Variants in KIF13B observed in about 807,000 individuals in gnomAD.
The protein encoded by KIF13B is kinesin family member 13B.
In KIF13B, 127 loss-of-function variants were observed where a neutral mutation model predicts 222.0. That is an observed-to-expected ratio of 0.57 (90% confidence interval 0.50 to 0.66). The LOEUF (loss-of-function observed/expected upper bound fraction) is 0.66, where lower values mean the gene tolerates loss of function less well. KIF13B is among the 30% of genes least tolerant of loss of function. The pLI is 0.00. For missense variants in KIF13B, 2,173 were observed against 2,379.0 expected (o/e 0.91, Z 1.80); for synonymous variants, 976 against 919.0 (o/e 1.06, Z -1.12).
chr8:29,093,203 G>A (rs1286916821), intron 36 of KIF13B, among the ~76,000 whole-genome samples: 2 of 152,124 alleles, frequency 1.3e-5, no homozygotes, highest in Non-Finnish European at 1.5e-5. Context: ...AATAAAATGG[G>A]ATTGGTTTTT....
chr8:29,107,673 G>T (rs998505144), intron 35 of KIF13B, among the ~76,000 whole-genome samples: 5 of 150,568 alleles, frequency 3.3e-5, no homozygotes, highest in Admixed American at 2.0e-4. Flanking sequence ...CCATTCTCCT[G>T]CCTTAGCCTC....
At chr8:29,212,370 C>T (rs919525051) in intron 2 of KIF13B, among the ~76,000 whole-genome samples, 3 of 152,188 alleles carry the variant, frequency 2.0e-5, no homozygotes, top group Non-Finnish European at 2.9e-5. Flanking sequence ...AGTGCAGCAT[C>T]GTCTGTCGTT....
chr8:29,125,839 T>G (rs1027830874), intron 26 of KIF13B, among the ~76,000 whole-genome samples: 4 of 151,692 alleles, frequency 2.6e-5, no homozygotes, highest in Non-Finnish European at 4.4e-5. Flanking sequence ...TCGGGCGCGG[T>G]GGCTCATGCC....
At chr8:29,177,824 A>C (rs1385857379) in intron 8 of KIF13B, among the ~76,000 whole-genome samples, 1 of 152,210 alleles carries the variant, frequency 6.6e-6, no homozygotes, top group African/African-American at 2.4e-5. Flanking sequence ...GTGGGAGATC[A>C]CTTGAGCCCA....
rs112826611 is a variant in KIF13B at position 29,132,254 on chromosome 8, C to CA, written c.2942+53dup. 5,725 of 1,161,836 alleles carry CA rather than the reference C, an allele frequency of 4.9e-3. 9 individuals are homozygous for CA. The highest frequency in any genetic ancestry group is 0.027 in the East Asian group (841 of 31,692). 72.0% of individuals were successfully genotyped at this position (1,161,836 alleles called of 1,614,324 possible). On this transcript the variant is annotated intron_variant, in intron 23 of 39. Transcript: ENST00000524189. ...GAGTGAATGAGACTGTCTCAAAAAACAAAAAAAAAATTACATATATATAAA... is the reference window on the plus strand; with the variant it reads ...GAGTGAATGAGACTGTCTCAAAAAACAAAAAAAAAAATTACATATATATAAA...
At chr8:29,125,748 A>G (rs936011297) in intron 26 of KIF13B, among the ~76,000 whole-genome samples, 8 of 42,466 alleles carry the variant, frequency 1.9e-4, no homozygotes, top group African/African-American at 4.1e-4. Context: ...AAAACAAAGG[A>G]AAAAAAAAAA....
At chr8:29,138,777 G>A (rs555559909) in intron 21 of KIF13B, 1 of 152,366 alleles carries the variant, frequency 6.6e-6, no homozygotes, top group South Asian at 2.1e-4. Context: ...AATTGCAGGT[G>A]TGGTAAGAGA....
rs111595708 is a variant in KIF13B at position 29,086,996 on chromosome 8, C to A, written c.4458+5749G>T. On this transcript the variant is annotated intron_variant, in intron 37 of 39. Coordinates refer to ENST00000524189, the MANE Select transcript of KIF13B (RefSeq NM_015254.4). ...TTCTTTAAGGTGCTGCTAAGTCCAGCACTGGATGCCTCACGCAGAGCCGTA... is the reference window on the plus strand; with the variant it reads ...TTCTTTAAGGTGCTGCTAAGTCCAGAACTGGATGCCTCACGCAGAGCCGTA... Among the ~76,000 whole-genome samples, 126 of 152,370 alleles carry A rather than the reference C, an allele frequency of 8.3e-4. 1 individual carries two copies. Among genetic ancestry groups the A allele is most frequent in the African/African-American group, 2.8e-3 (118 of 41,584 alleles).
At chr8:29,251,368 T>C (rs897456534) in intron 1 of KIF13B, among the ~76,000 whole-genome samples, 2 of 152,214 alleles carry the variant, frequency 1.3e-5, no homozygotes, top group African/African-American at 4.8e-5. Flanking sequence ...GCAGCTAAAA[T>C]GCAGAGGCAA....
chr8:29,250,172 A>G (rs528117561), intron 1 of KIF13B: 78 of 580,232 alleles, frequency 1.3e-4, no homozygotes, highest in South Asian at 1.2e-3. Context: ...GTTTCTTGCA[A>G]GAACATTTCG....
chr8:29,199,087 T>TTTTTTTTTTTTTTTTTATTATACTC (rs1563781453), intron 2 of KIF13B, among the ~76,000 whole-genome samples: 1 of 151,708 alleles, frequency 6.6e-6, no homozygotes, highest in African/African-American at 2.4e-5. Context: ...ATAAAATTTT[T>TTTTTTTTTTTTTTTTTATTATACTC]TAAAAAATAG....
intron 13 of KIF13B, among the ~76,000 whole-genome samples, chr8:29,159,078 A>C (rs1229329896): frequency 1.3e-5 from 2 of 152,206 alleles, no homozygotes; most frequent in Admixed American, 1.3e-4. Flanking sequence ...GGTCACATTC[A>C]TATGAATATC....
Position 29,094,254 on chromosome 8 carries a change from T to C in KIF13B, c.4325-1376A>G, listed in dbSNP as rs548763095. Among the ~76,000 whole-genome samples, 4 of 152,224 alleles carry C rather than the reference T, an allele frequency of 2.6e-5. No homozygotes were observed. In the East Asian group the frequency reaches 5.8e-4, roughly 22 times the overall value. ...TCACAGGCAATACAGGGGACAGAAT[T>C]GCGTTTCAACAGTCTCACGGGAACA... On this transcript the variant is annotated intron_variant, in intron 36 of 39. Coordinates refer to ENST00000524189, the MANE Select transcript of KIF13B (RefSeq NM_015254.4).
chr8:29,077,204 G>A (rs750841046), intron 37 of KIF13B, among the ~76,000 whole-genome samples: 4 of 152,108 alleles, frequency 2.6e-5, no homozygotes, highest in Non-Finnish European at 5.9e-5. Flanking sequence ...AAGACCTTCA[G>A]CCTCCACCTC....
At chr8:29,222,515 C>CTTTTTTTTTTTTGTTTTT (rs1814801472) in intron 2 of KIF13B, among the ~76,000 whole-genome samples, 1 of 60,568 alleles carries the variant, frequency 1.7e-5, no homozygotes, top group African/African-American at 7.5e-5. Flanking sequence ...CCACACCTGA[C>CTTTTTTTTTTTTGTTTTT]TTTTTTTTTT....
At chr8:29,182,426 C>G (rs561508814) in intron 6 of KIF13B, among the ~76,000 whole-genome samples, 3 of 152,194 alleles carry the variant, frequency 2.0e-5, no homozygotes, top group African/African-American at 7.2e-5. Flanking sequence ...TTTCAAAATA[C>G]AAAACTGGGC....
At chr8:29,218,739 G>A (rs913037127) in intron 2 of KIF13B, among the ~76,000 whole-genome samples, 7 of 152,164 alleles carry the variant, frequency 4.6e-5, no homozygotes, top group Non-Finnish European at 8.8e-5. Flanking sequence ...AAACAAAAAC[G>A]TGGTATACTC....
intron 19 of KIF13B, among the ~76,000 whole-genome samples, chr8:29,141,313 GAC>G (rs1022243423): frequency 2.0e-5 from 3 of 151,418 alleles, no homozygotes; most frequent in African/African-American, 4.9e-5. Flanking sequence ...CAGCCTGGAT[GAC>G]AGAGCAAGAC....
Position 29,072,502 on chromosome 8 carries a change from T to C in KIF13B, c.4522-186A>G, listed in dbSNP as rs137898858. ...GAGTTCAAGAACAGCCTGGGCAACATAGTGAGACCCCGTTTCGACAAAATA... is the reference window on the plus strand; with the variant it reads ...GAGTTCAAGAACAGCCTGGGCAACACAGTGAGACCCCGTTTCGACAAAATA... On this transcript the variant is annotated intron_variant, in intron 38 of 39. Coordinates refer to ENST00000524189, the MANE Select transcript of KIF13B (RefSeq NM_015254.4). Among the ~76,000 whole-genome samples, 396 of 152,238 alleles carry C rather than the reference T, an allele frequency of 2.6e-3. 3 individuals carry two copies. The highest frequency in any genetic ancestry group is 9.0e-3 in the African/African-American group (372 of 41,548).
Sources: gnomAD v4.1 joint callset for allele counts (sites outside exome capture counted in the v4.1 genomes callset) on GRCh38, gnomAD v4.1.1 for gene constraint, MANE v1.5 for transcripts, NCBI Gene and HGNC (gene_info 2026-07-23, HGNC 2026-07-21) for gene names.